TBC1D30: variants seen among roughly 807,000 people sequenced by gnomAD.
TBC1D30 encodes TBC1 domain family, member 30.
Under a neutral mutation model 63.2 loss-of-function variants are expected in TBC1D30, and 31 were observed. The observed-to-expected ratio is 0.49, with a 90% confidence interval of 0.37 to 0.66. The LOEUF (loss-of-function observed/expected upper bound fraction) is 0.66. Among genes scored for constraint, TBC1D30 ranks in the 30% least tolerant of loss-of-function variants. The pLI is 0.00. For missense variants in TBC1D30, 810 were observed against 953.6 expected, an observed-to-expected ratio of 0.85 and a Z score of 1.98; for synonymous variants, 307 against 361.5, an observed-to-expected ratio of 0.85 and a Z score of 1.71.
At chr12:64,794,109 C>T (rs369640976) in intron 2 of TBC1D30, among the ~76,000 whole-genome samples, 10 of 152,164 alleles carry the variant, frequency 6.6e-5, no homozygotes, top group Admixed American at 5.9e-4. Flanking sequence ...TCTTGTTGCT[C>T]TTGAGAAGGC....
chr12:64,873,328 A>G (rs951206378), intron 11 of TBC1D30, among the ~76,000 whole-genome samples: 2 of 152,166 alleles, frequency 1.3e-5, no homozygotes, highest in African/African-American at 2.4e-5. Flanking sequence ...CACTGAAGGG[A>G]GCGAGAAAGG....
exon 1 of TBC1D30, chr12:64,780,914 A>G (rs1565638178): frequency 1.9e-6 from 2 of 1,037,276 alleles, no homozygotes; most frequent in Non-Finnish European, 2.3e-6. Context: ...GGAAGAAACG[A>G]TTCCTGCAGC....
intron 2 of TBC1D30, among the ~76,000 whole-genome samples, chr12:64,819,407 T>TG (rs1873751711): frequency 3.8e-4 from 10 of 26,532 alleles, no homozygotes; most frequent in South Asian, 1.3e-3. Context: ...AAGGAACTAC[T>TG]TTTTTTTTTT....
intron 8 of TBC1D30, among the ~76,000 whole-genome samples, chr12:64,861,717 G>C (rs1877807034): frequency 6.6e-6 from 1 of 152,134 alleles, no homozygotes; most frequent in African/African-American, 2.4e-5. Flanking sequence ...AATGCCTCTT[G>C]TAAATTCCTT....
At chr12:64,859,397 C>G (rs995675642) in intron 8 of TBC1D30, among the ~76,000 whole-genome samples, 1 of 152,134 alleles carries the variant, frequency 6.6e-6, no homozygotes, top group South Asian at 2.1e-4. Context: ...AATAGAAGAT[C>G]TGTGGACCTG....
At chr12:64,767,872 G>A (rs894072272) in intron 1 of TBC1D30, among the ~76,000 whole-genome samples, 1 of 150,704 alleles carries the variant, frequency 6.6e-6, no homozygotes, top group South Asian at 2.1e-4. Context: ...AGGTCCTGGC[G>A]TGTGTCATGA....
At chr12:64,809,290 A>G (rs574202414) in intron 2 of TBC1D30, among the ~76,000 whole-genome samples, 2 of 145,544 alleles carry the variant, frequency 1.4e-5, no homozygotes, top group East Asian at 4.3e-4. Flanking sequence ...CCATTATATC[A>G]TTCTTTTGCC....
upstream of TBC1D30, among the ~76,000 whole-genome samples, chr12:64,780,400 A>G (rs2136287954): frequency 6.6e-6 from 1 of 152,364 alleles, no homozygotes; most frequent in South Asian, 2.1e-4. Context: ...AAGAGGCAAG[A>G]GTCACCCTCT....
chr12:64,862,510 A>G (rs1016518258), intron 8 of TBC1D30, among the ~76,000 whole-genome samples: 2 of 152,206 alleles, frequency 1.3e-5, no homozygotes, highest in African/African-American at 4.8e-5. Flanking sequence ...AGCCTAGACC[A>G]TCATCCCTGG....
intron 8 of TBC1D30, among the ~76,000 whole-genome samples, chr12:64,860,107 T>C (rs1877655983): frequency 6.6e-6 from 1 of 151,918 alleles, no homozygotes; most frequent in African/African-American, 2.4e-5. Context: ...AGTCTTGACT[T>C]CCTGGGCTCA....
rs531071541 is a variant in TBC1D30 at position 64,860,399 on chromosome 12, C to T, written c.1039-4269C>T. On this transcript the variant is annotated intron_variant, in intron 8 of 11. Transcript: ENST00000539867. ...TGAACTCCTGGGCCTCAGGCGAGGC[C>T]TGCCTTGGCCTCCCAAAGTGTTGGG... is the stretch of plus-strand genomic sequence containing the variant. Among the ~76,000 whole-genome samples the T allele has an allele frequency of 3.3e-5, 5 of 152,238 alleles. No homozygotes were observed. The East Asian group carries it at 9.6e-4, about 29-fold the overall frequency.
chr12:64,815,729 A>G (rs752003150), intron 2 of TBC1D30, among the ~76,000 whole-genome samples: 4 of 152,196 alleles, frequency 2.6e-5, no homozygotes, highest in Admixed American at 6.5e-5. Context: ...TGAACTTCCA[A>G]TACTTGTCTT....
chr12:64,876,217 G>A lies in TBC1D30; in HGVS notation c.*429G>A, dbSNP rs1879066187. 2 of 160,968 alleles carry A rather than the reference G, an allele frequency of 1.2e-5. No individual in the cohort carries two copies. Among genetic ancestry groups the A allele is most frequent in the Admixed American group, 1.2e-4 (2 of 16,448 alleles). 10.0% of individuals were successfully genotyped at this position (160,968 alleles called of 1,614,324 possible). On this transcript the variant is annotated 3_prime_UTR_variant, in exon 12 of 12. Transcript: ENST00000539867. ...ATACCAGCTTGCTAGGACAGAAACT[G>A]TAAAAAGAAAGTAAGTTTCTTCGTT... is the stretch of plus-strand genomic sequence containing the variant.
chr12:64,795,265 G>C (rs1340262649), intron 2 of TBC1D30, among the ~76,000 whole-genome samples: 1 of 152,166 alleles, frequency 6.6e-6, no homozygotes, highest in Non-Finnish European at 1.5e-5. Flanking sequence ...GAAGGGTGAA[G>C]GTCTGGCTGC....
chr12:64,850,711 T>C (rs186680365), intron 8 of TBC1D30, among the ~76,000 whole-genome samples: 146 of 152,298 alleles, frequency 9.6e-4, no homozygotes, highest in African/African-American at 3.4e-3. Context: ...TCGATGTTCA[T>C]TGGGGATATT....
intron 2 of TBC1D30, among the ~76,000 whole-genome samples, chr12:64,819,315 G>A (rs370317048): frequency 2.6e-4 from 39 of 151,160 alleles, no homozygotes; most frequent in East Asian, 2.1e-3. Context: ...TCCTCCTGCT[G>A]CCCTGCCCCT....
At chr12:64,760,719 T>G (rs1870472989) in intron 1 of TBC1D30, among the ~76,000 whole-genome samples, 1 of 149,794 alleles carries the variant, frequency 6.7e-6, no homozygotes, top group South Asian at 2.1e-4. Flanking sequence ...TGAAAACTAT[T>G]CCAGAACTTA....
chr12:64,843,395 T>C lies in TBC1D30; in HGVS notation c.948T>C (p.Cys316=). 1 of 1,536,368 alleles carries C rather than the reference T, an allele frequency of 6.5e-7. No homozygotes were observed. The highest frequency in any genetic ancestry group is 1.2e-5 in the South Asian group (1 of 84,058). The change falls in exon 8 of 12, where the codon TGT becomes TGC. Residue 316 remains cysteine, a synonymous_variant. Coordinates refer to ENST00000539867, the MANE Select transcript of TBC1D30 (RefSeq NM_015279.2). ...WAKLGEQIEC[C]ETADEFYSTM... ...CTTTATCTAGGCAGATAGAATGTTG[T>C]GAAACAGCAGATGAATTCTACAGCA...
intron 2 of TBC1D30, among the ~76,000 whole-genome samples, chr12:64,795,016 T>G (rs1338102369): frequency 1.3e-5 from 2 of 152,198 alleles, no homozygotes; most frequent in African/African-American, 4.8e-5. Context: ...AAAACTGTAT[T>G]ATATTTAGAA....
Sources: gnomAD v4.1 joint callset for allele counts (sites outside exome capture counted in the v4.1 genomes callset) on GRCh38, gnomAD v4.1.1 for gene constraint, MANE v1.5 for transcripts, NCBI Gene and HGNC (gene_info 2026-07-23, HGNC 2026-07-21) for gene names.